The following MBOAT2 variants were observed in gnomAD, a reference collection of about 807,000 sequenced individuals.
MBOAT2 encodes the protein membrane-bound glycerophospholipid O-acyltransferase 2.
Under a neutral mutation model 63.4 loss-of-function variants are expected in MBOAT2, and 28 were observed. That is an observed-to-expected ratio of 0.44 (90% CI 0.33 to 0.61). The LOEUF (loss-of-function observed/expected upper bound fraction) is 0.61, where lower values mean the gene tolerates loss of function less well. MBOAT2 is among the 20% of genes least tolerant of loss of function. The probability of loss-of-function intolerance (pLI) is 0.03; values close to 1 mark genes in which losing one functional copy is unlikely to be tolerated. For missense variants in MBOAT2, 470 were observed against 605.8 expected, an observed-to-expected ratio of 0.78 and a Z score of 2.35; for synonymous variants, 211 against 215.6, an observed-to-expected ratio of 0.98 and a Z score of 0.19.
chr2:8,998,280 A>G (rs1248544173), intron 1 of MBOAT2, among the ~76,000 whole-genome samples: 5 of 152,244 alleles, frequency 3.3e-5, no homozygotes, highest in Non-Finnish European at 7.3e-5. Flanking sequence ...CAGTGTTCTC[A>G]TGATGAAGAC....
intron 3 of MBOAT2, among the ~76,000 whole-genome samples, chr2:8,922,065 T>A (rs1666608144): frequency 6.6e-6 from 1 of 152,176 alleles, no homozygotes; most frequent in Non-Finnish European, 1.5e-5. Flanking sequence ...TTTTCTTCAA[T>A]ATTTTTTATA....
intron 3 of MBOAT2, among the ~76,000 whole-genome samples, chr2:8,918,643 T>C (rs1338102666): frequency 6.6e-6 from 1 of 152,226 alleles, no homozygotes; most frequent in Non-Finnish European, 1.5e-5. Flanking sequence ...GGTGTGCCCA[T>C]ATTTGTTTAA....
intron 3 of MBOAT2, among the ~76,000 whole-genome samples, chr2:8,917,456 C>A (rs183906784): frequency 3.4e-4 from 52 of 152,160 alleles, no homozygotes; most frequent in African/African-American, 1.3e-3. Context: ...AAAGAAGATA[C>A]ACAATTAGTC....
intron 3 of MBOAT2, among the ~76,000 whole-genome samples, chr2:8,909,684 T>C (rs539435158): frequency 1.3e-5 from 2 of 152,360 alleles, no homozygotes; most frequent in South Asian, 4.1e-4. Context: ...TTATAATCTT[T>C]TGAATTATTC....
At chr2:8,919,685 G>C (rs1481315315) in intron 3 of MBOAT2, among the ~76,000 whole-genome samples, 1 of 152,002 alleles carries the variant, frequency 6.6e-6, no homozygotes, top group African/African-American at 2.4e-5. Context: ...TTTCCTTAAA[G>C]GTGTCTTTTG....
intron 2 of MBOAT2, among the ~76,000 whole-genome samples, chr2:8,946,393 T>C (rs1212498502): frequency 8.5e-5 from 13 of 152,204 alleles, no homozygotes; most frequent in Admixed American, 7.2e-4. Context: ...TAATTCTCAC[T>C]TAAAAGGAAC....
chr2:8,912,595 C>T (rs1348309361), intron 3 of MBOAT2, among the ~76,000 whole-genome samples: 1 of 152,044 alleles, frequency 6.6e-6, no homozygotes, highest in African/African-American at 2.4e-5. Context: ...CCTTTTACAA[C>T]AGCTGCAAAA....
chr2:8,993,651 C>A (rs977823977), intron 1 of MBOAT2, among the ~76,000 whole-genome samples: 1 of 152,188 alleles, frequency 6.6e-6, no homozygotes, highest in African/African-American at 2.4e-5. Context: ...CCCTCAGAAC[C>A]TGGCCTTCCT....
In MBOAT2 at chr2:8,903,833, T is replaced by C. The variant is rs78197581; in HGVS notation, c.395+4788A>G. Among the ~76,000 whole-genome samples the C allele has an allele frequency of 9.8e-5, 15 of 152,308 alleles. No homozygotes were observed. In the East Asian group the frequency reaches 2.9e-3, roughly 29 times the overall value. Reference sequence around the variant, plus strand: ...TGCTTTACAGACGGCAGTATGTCTTTATATCAACTTCACTACACTCAAGCA... The same window carrying C: ...TGCTTTACAGACGGCAGTATGTCTTCATATCAACTTCACTACACTCAAGCA... On this transcript the variant is annotated intron_variant, in intron 4 of 12. Transcript: ENST00000305997.
At chr2:9,000,352 G>T (rs1226019483) in intron 1 of MBOAT2, among the ~76,000 whole-genome samples, 1 of 152,016 alleles carries the variant, frequency 6.6e-6, no homozygotes, top group Non-Finnish European at 1.5e-5. Flanking sequence ...TTTTTATTTT[G>T]CTCAACTTTA....
In MBOAT2 at chr2:8,858,843, T is replaced by A; in HGVS notation, c.1399A>T (p.Lys467Ter). ...TGTGTATTCTTTCTTCTTTGAGTTT[T>A]TTTCACTGGCAACAACAATAATACT... ...ILVLLLLPVK[K>*]TQRRKNTHEN... Residue 467 changes from lysine to a stop codon, truncating the protein, a stop_gained, in exon 13 of 13, where the codon AAA (lysine) becomes TAA (stop). Transcript: ENST00000305997. LOFTEE classifies it low-confidence loss of function (END_TRUNC). 6 of 1,613,906 alleles carry A rather than the reference T, an allele frequency of 3.7e-6. No homozygotes were observed. Among genetic ancestry groups the A allele is most frequent in the Non-Finnish European group, 5.1e-6 (6 of 1,180,022 alleles).
chr2:8,862,328 A>C lies in MBOAT2; in HGVS notation c.1185+262T>G. ...TATCTCTCCTTCAGAAAATTCTGTA[A>C]AGACAAAGTAACATTTTGTGAGTGC... On this transcript the variant is annotated intron_variant, in intron 11 of 12. Transcript: ENST00000305997. The surrounding 1 kb of genome is among the most constrained non-coding windows in gnomAD (Gnocchi z 4.3). 1 of 1,397,278 alleles carries C rather than the reference A, an allele frequency of 7.2e-7. No homozygotes were observed. Among genetic ancestry groups the C allele is most frequent in the Non-Finnish European group, 9.4e-7 (1 of 1,059,280 alleles). The allele number at this position is 1,397,278 out of a possible 1,614,324, so 86.6% of individuals were successfully genotyped here.
In MBOAT2 at chr2:8,927,471, A is replaced by C. The variant is rs78950200; in HGVS notation, c.299+15716T>G. Among the ~76,000 whole-genome samples the C allele has an allele frequency of 5.3e-4, 81 of 152,310 alleles. No homozygotes were observed. In the Middle Eastern group the frequency reaches 0.014, roughly 26 times the overall value. ...CCATCAATTAAAACAATTTTCAAGA[A>C]AACTGAAGACTTAAGTGAGGTAAGA... is the stretch of plus-strand genomic sequence containing the variant. On this transcript the variant is annotated intron_variant, in intron 3 of 12. Coordinates refer to ENST00000305997, the MANE Select transcript of MBOAT2 (RefSeq NM_138799.4).
intron 6 of MBOAT2, among the ~76,000 whole-genome samples, chr2:8,878,062 C>T (rs779337172): frequency 9.2e-5 from 14 of 152,184 alleles, no homozygotes; most frequent in Non-Finnish European, 1.6e-4. Context: ...GGGGCTCCTG[C>T]GGTCTCCAGG....
At chr2:8,925,182 T>G (rs1216360044) in intron 3 of MBOAT2, among the ~76,000 whole-genome samples, 1 of 152,116 alleles carries the variant, frequency 6.6e-6, no homozygotes, top group Admixed American at 6.5e-5. Context: ...TGCCAAGATC[T>G]TGGTTTTTAC....
chr2:8,981,476 T>A (rs919132326), intron 1 of MBOAT2, among the ~76,000 whole-genome samples: 1 of 152,118 alleles, frequency 6.6e-6, no homozygotes, highest in Admixed American at 6.5e-5. Context: ...TTTCACAAAG[T>A]CCTGTCACAG....
At chr2:8,930,052 T>C (rs944511786) in intron 3 of MBOAT2, among the ~76,000 whole-genome samples, 49 of 152,346 alleles carry the variant, frequency 3.2e-4, no homozygotes, top group African/African-American at 1.1e-3. Context: ...GCAGACCTTA[T>C]CTATGTCCCA....
intron 2 of MBOAT2, among the ~76,000 whole-genome samples, chr2:8,957,517 A>T (rs1292228115): frequency 6.6e-6 from 1 of 152,232 alleles, no homozygotes; most frequent in African/African-American, 2.4e-5. Flanking sequence ...GGCAAAAATT[A>T]GATTAAGAAA....
intron 2 of MBOAT2, among the ~76,000 whole-genome samples, chr2:8,953,607 C>T (rs911980776): frequency 4.6e-5 from 7 of 152,270 alleles, no homozygotes; most frequent in South Asian, 2.1e-4. Context: ...TACATAATCC[C>T]ATATTTCCTG....
Sources: allele counts gnomAD v4.1 joint callset (sites outside exome capture counted in the v4.1 genomes callset), GRCh38; gene constraint gnomAD v4.1.1; non-coding constraint Gnocchi (gnomAD v3.1); transcripts MANE v1.5; gene names NCBI Gene and HGNC (gene_info 2026-07-23, HGNC 2026-07-21).